LDLRAD4: variants seen among roughly 807,000 people sequenced by gnomAD.
LDLRAD4 encodes low-density lipoprotein receptor class A domain-containing protein 4.
Under a neutral mutation model 17.0 loss-of-function variants are expected in LDLRAD4, and 5 were observed. The observed-to-expected ratio is 0.29, with a 90% CI of 0.15 to 0.62. LDLRAD4 has a LOEUF of 0.62. Among genes scored for constraint, LDLRAD4 ranks in the 20% least tolerant of loss-of-function variants. The pLI is 0.84. For missense variants in LDLRAD4, 340 were observed against 424.7 expected (o/e 0.80, Z 1.75); for synonymous variants, 168 against 171.8 (o/e 0.98, Z 0.17).
At chr18:13,219,188 C>T (rs532769191) in intron 1 of LDLRAD4, among the ~76,000 whole-genome samples, 200 bp downstream of exon 1, 54 of 151,448 alleles carry the variant, frequency 3.6e-4, no homozygotes, top group African/African-American at 1.3e-3. Context: ...TCCGAGAGTA[C>T]AGCGTTCTTG....
At chr18:13,615,939 G>GC (rs1555771564) in intron 3 of LDLRAD4, 2 of 152,124 alleles carry the variant, frequency 1.3e-5, no homozygotes, top group African/African-American at 4.8e-5. Flanking sequence ...CGTGTTAGGC[G>GC]TGTAGCATCT....
At chr18:13,249,265 G>A (rs373406442) in intron 1 of LDLRAD4, among the ~76,000 whole-genome samples, 52 of 152,134 alleles carry the variant, frequency 3.4e-4, no homozygotes, top group East Asian at 1.9e-3. Flanking sequence ...GGTAAATGCC[G>A]AGTAGCAGGA....
Position 13,222,462 on chromosome 18 carries a change from A to G in LDLRAD4, c.-467+3474A>G, listed in dbSNP as rs1031867355. 3.9e-5 allele frequency among the ~76,000 whole-genome samples: 6 copies of G among 152,206 alleles called. No individual in the cohort carries two copies. In the South Asian group the frequency reaches 1.0e-3, roughly 26 times the overall value. The stretch of plus-strand genomic sequence containing the variant: ...GTCAGACAGTTTATGTGACAGTGCA[A>G]GTTGGTGCTTGCCAAGCTCCAGACA... On this transcript the variant is annotated intron_variant, in intron 1 of 5. Transcript: ENST00000399848.
chr18:13,636,225 T>C (rs1316141149), intron 4 of LDLRAD4, among the ~76,000 whole-genome samples: 1 of 151,978 alleles, frequency 6.6e-6, no homozygotes, highest in Non-Finnish European at 1.5e-5. Context: ...AACACCACAG[T>C]CCCAGCATGC....
At position 13,440,723 on chromosome 18, in the gene LDLRAD4, G is replaced by A. The variant is rs1015770434; in HGVS notation, c.181+2339G>A. On this transcript the variant is annotated intron_variant, in intron 3 of 5. Coordinates refer to ENST00000359446, the Ensembl canonical transcript of LDLRAD4. This position sits in a 1 kb window ranked among gnomAD's most constrained non-coding sequence, Gnocchi z 4.4. ...AGCATCTAAAGGAAAGAACGTCCAT[G>A]GGAAACACAGTCTATGTCATCGTGT... Among the ~76,000 whole-genome samples, 1 of 152,174 alleles carries A rather than the reference G, an allele frequency of 6.6e-6. No individual in the cohort carries two copies. The highest frequency in any genetic ancestry group is 1.5e-5 in the Non-Finnish European group (1 of 68,026).
chr18:13,283,849 A>T (rs1181885596), intron 1 of LDLRAD4, among the ~76,000 whole-genome samples: 1 of 152,218 alleles, frequency 6.6e-6, no homozygotes, highest in Non-Finnish European at 1.5e-5. Flanking sequence ...TTGGACTTAC[A>T]GTTCCACATG....
At chr18:13,264,837 T>C (rs1170904413) in intron 1 of LDLRAD4, among the ~76,000 whole-genome samples, 1 of 152,250 alleles carries the variant, frequency 6.6e-6, no homozygotes, top group African/African-American at 2.4e-5. Context: ...ACAACTGTGC[T>C]GTTTCATAAA....
intron 3 of LDLRAD4, among the ~76,000 whole-genome samples, chr18:13,582,211 C>T (rs549322648): frequency 2.6e-5 from 4 of 152,362 alleles, no homozygotes; most frequent in Admixed American, 1.3e-4. Flanking sequence ...CAGGGCCTGA[C>T]ACAGAAGCAC....
chr18:13,281,137 A>G (rs2045250028), intron 1 of LDLRAD4, among the ~76,000 whole-genome samples: 1 of 152,242 alleles, frequency 6.6e-6, no homozygotes, highest in Non-Finnish European at 1.5e-5. Context: ...TTGGAATCCC[A>G]GCACTTTGAG....
At chr18:13,269,238 TA>T (rs2044385871) in intron 1 of LDLRAD4, among the ~76,000 whole-genome samples, 1 of 152,234 alleles carries the variant, frequency 6.6e-6, no homozygotes, top group South Asian at 2.1e-4. Context: ...GTCCAAACTT[TA>T]ACTAGTTAAT....
chr18:13,378,837 A>T lies in LDLRAD4; in HGVS notation c.-382-8504A>T, dbSNP rs189756818. The stretch of plus-strand genomic sequence containing the variant: ...GATTTTTATCTATTGGGAACTTTTT[A>T]AAAAAATCAAGACAAATTAGCAGAG... On this transcript the variant is annotated intron_variant, in intron 1 of 5. Coordinates refer to ENST00000359446, the Ensembl canonical transcript of LDLRAD4. Among the ~76,000 whole-genome samples the T allele has an allele frequency of 3.7e-3, 564 of 152,310 alleles. 4 individuals are homozygous for T. The highest frequency in any genetic ancestry group is 0.012 in the African/African-American group (490 of 41,562).
At chr18:13,380,802 C>T (rs1471666580) in intron 1 of LDLRAD4, among the ~76,000 whole-genome samples, 1 of 152,176 alleles carries the variant, frequency 6.6e-6, no homozygotes, top group African/African-American at 2.4e-5. Context: ...CAGCAAGGCA[C>T]TACGCTACCC....
At chr18:13,627,404 C>T (rs1006335391) in intron 4 of LDLRAD4, among the ~76,000 whole-genome samples, 3 of 152,134 alleles carry the variant, frequency 2.0e-5, no homozygotes, top group Non-Finnish European at 2.9e-5. Context: ...CTGTGCTGCC[C>T]GGGCTGTCAC....
rs2090945373 is a variant in LDLRAD4 at position 13,440,348 on chromosome 18, A to G, written c.181+1964A>G. Among the ~76,000 whole-genome samples, 4 of 151,876 alleles carry G rather than the reference A, an allele frequency of 2.6e-5. No homozygotes were observed. The South Asian group carries it at 8.3e-4, about 32-fold the overall frequency. ...CTATCTCCAGATCGCTTTTCCACTCATTTTTTAAAATGCGAGCACTTTAAT... is the reference window on the plus strand; with the variant it reads ...CTATCTCCAGATCGCTTTTCCACTCGTTTTTTAAAATGCGAGCACTTTAAT... On this transcript the variant is annotated intron_variant, in intron 3 of 5. Transcript: ENST00000359446. The surrounding 1 kb of genome is among the most constrained non-coding windows in gnomAD (Gnocchi z 4.4).
intron 2 of LDLRAD4, among the ~76,000 whole-genome samples, 169 bp downstream of exon 3, chr18:13,387,931 T>C (rs2085949429): frequency 6.6e-6 from 1 of 152,204 alleles, no homozygotes; most frequent in South Asian, 2.1e-4. Flanking sequence ...ATAATGTGTT[T>C]TCCTTCGCTC....
chr18:13,430,642 T>C (rs1356266876), intron 2 of LDLRAD4, among the ~76,000 whole-genome samples: 1 of 152,258 alleles, frequency 6.6e-6, no homozygotes, highest in Non-Finnish European at 1.5e-5. Context: ...CTCATTGAGC[T>C]GGACTTTCTG....
At chr18:13,235,741 C>T (rs1355082002) in intron 1 of LDLRAD4, among the ~76,000 whole-genome samples, 4 of 152,198 alleles carry the variant, frequency 2.6e-5, no homozygotes, top group Admixed American at 2.6e-4. Context: ...AGTCTGAGGA[C>T]ACATCTGCAG....
intron 2 of LDLRAD4, among the ~76,000 whole-genome samples, chr18:13,389,680 G>A (rs910352361): frequency 2.0e-5 from 3 of 152,126 alleles, no homozygotes; most frequent in South Asian, 2.1e-4. Flanking sequence ...TTCTGGGGCC[G>A]TCTCCTCACC....
chr18:13,371,406 G>A (rs917461563), intron 1 of LDLRAD4, among the ~76,000 whole-genome samples: 1 of 152,170 alleles, frequency 6.6e-6, no homozygotes, highest in African/African-American at 2.4e-5. Context: ...GCTGTGAACC[G>A]TTGTACTCCC....
Sources: allele counts gnomAD v4.1 joint callset (sites outside exome capture counted in the v4.1 genomes callset), GRCh38; gene constraint gnomAD v4.1.1; non-coding constraint Gnocchi (gnomAD v3.1); transcripts MANE v1.5; gene names NCBI Gene and HGNC (gene_info 2026-07-23, HGNC 2026-07-21).